Variants in FBXL13 observed in about 807,000 individuals in gnomAD.
FBXL13 encodes F-box and leucine rich repeat protein 13.
A neutral mutation model predicts 83.6 loss-of-function variants in FBXL13; 67 were observed. That is an observed-to-expected ratio of 0.80 (90% confidence interval 0.66 to 0.98). FBXL13 has a LOEUF of 0.98. Ranked by LOEUF, FBXL13 falls within the 50% of genes least tolerant of loss-of-function variation. The probability of loss-of-function intolerance (pLI) is 0.00; values close to 1 mark genes in which losing one functional copy is unlikely to be tolerated. For synonymous variants in FBXL13, 272 were observed against 299.5 expected (o/e 0.91, Z 0.95); for missense variants, 822 against 866.5 (o/e 0.95, Z 0.64).
intron 1 of FBXL13, chr7:103,074,128 G>C (rs58939176): frequency 0.1 from 56,965 of 564,072 alleles, 3,234 homozygotes; most frequent in East Asian, 0.3. Flanking sequence ...TGGTTGAGAG[G>C]GTCCTTACCT....
chr7:102,861,074 A>G (rs1406301624), intron 16 of FBXL13, among the ~76,000 whole-genome samples: 2 of 152,000 alleles, frequency 1.3e-5, no homozygotes, highest in African/African-American at 4.8e-5. Context: ...ATGATGCTTT[A>G]TCCCTAAATA....
At chr7:102,869,569 T>C (rs6957434) in intron 16 of FBXL13, among the ~76,000 whole-genome samples, 28,934 of 152,110 alleles carry the variant, frequency 0.19, 3,020 homozygotes, top group East Asian at 0.43. Context: ...TGTCCTAAAG[T>C]GTTTCGTCTA....
chr7:102,999,307 T>C (rs1790149817), intron 6 of FBXL13, among the ~76,000 whole-genome samples: 1 of 152,170 alleles, frequency 6.6e-6, no homozygotes, highest in African/African-American at 2.4e-5. Context: ...TACCATGTTG[T>C]TGTATTCTGT....
At chr7:103,036,804 G>A (rs1306374604) in intron 2 of FBXL13, among the ~76,000 whole-genome samples, 4 of 152,200 alleles carry the variant, frequency 2.6e-5, no homozygotes, top group Admixed American at 6.5e-5. Flanking sequence ...AAGCCACAGT[G>A]CCTGGCCCAA....
At chr7:102,953,530 G>C (rs141417220) in intron 8 of FBXL13, among the ~76,000 whole-genome samples, 6 of 151,882 alleles carry the variant, frequency 4.0e-5, no homozygotes, top group African/African-American at 1.4e-4. Context: ...AATTGTGTAA[G>C]AAAAGAAAAA....
intron 19 of FBXL13, among the ~76,000 whole-genome samples, chr7:102,819,024 C>G (rs1423859099): frequency 1.3e-5 from 2 of 152,138 alleles, no homozygotes; most frequent in Non-Finnish European, 2.9e-5. Context: ...CATCATTTAG[C>G]TCCCACTTAT....
chr7:103,035,898 C>A (rs542595959), intron 2 of FBXL13, among the ~76,000 whole-genome samples: 11 of 152,142 alleles, frequency 7.2e-5, no homozygotes, highest in Admixed American at 6.5e-4. Flanking sequence ...CATTTATATC[C>A]CACATAGTAT....
intron 6 of FBXL13, chr7:102,973,415 C>A: frequency 1.4e-6 from 1 of 702,186 alleles, no homozygotes; most frequent in Non-Finnish European, 2.6e-6. Context: ...CTGGGTACCA[C>A]ATAGCAGTTA....
intron 5 of FBXL13, among the ~76,000 whole-genome samples, chr7:103,026,038 A>C (rs868850004): frequency 2.0e-5 from 3 of 151,196 alleles, no homozygotes; most frequent in Non-Finnish European, 4.4e-5. Context: ...ATATAGCATA[A>C]ATTATATATA....
intron 2 of FBXL13, among the ~76,000 whole-genome samples, chr7:103,043,263 A>G (rs2129493197): frequency 6.6e-6 from 1 of 152,346 alleles, no homozygotes; most frequent in African/African-American, 2.4e-5. Flanking sequence ...AATCAAAACC[A>G]CAATGAGATA....
chr7:102,911,487 T>G (rs1376863611), intron 11 of FBXL13, among the ~76,000 whole-genome samples: 2 of 152,106 alleles, frequency 1.3e-5, no homozygotes, highest in Non-Finnish European at 2.9e-5. Context: ...TTCTCTGTGA[T>G]TGGGCCATTG....
chr7:102,879,524 T>C (rs1191072050), intron 14 of FBXL13, among the ~76,000 whole-genome samples: 2 of 151,862 alleles, frequency 1.3e-5, no homozygotes, highest in Non-Finnish European at 1.5e-5. Context: ...GAAAAGATTA[T>C]TGAGGTAATG....
intron 8 of FBXL13, chr7:102,934,490 G>A (rs1387879663): frequency 6.2e-7 from 1 of 1,614,056 alleles, no homozygotes; most frequent in Non-Finnish European, 8.5e-7. Flanking sequence ...CGCCAAGTGT[G>A]AAAGTCCACA....
At chr7:102,986,019 C>A (rs558075486) in intron 6 of FBXL13, among the ~76,000 whole-genome samples, 2 of 140,404 alleles carry the variant, frequency 1.4e-5, no homozygotes, top group Admixed American at 6.9e-5. Context: ...GGCACGATGC[C>A]CCCCCCCCAT....
intron 11 of FBXL13, among the ~76,000 whole-genome samples, chr7:102,910,774 T>C (rs1814522541): frequency 6.6e-6 from 1 of 152,196 alleles, no homozygotes; most frequent in African/African-American, 2.4e-5. Flanking sequence ...TACTTAATTA[T>C]TTGAGGCAAG....
intron 11 of FBXL13, among the ~76,000 whole-genome samples, chr7:102,886,158 T>C (rs935908158): frequency 6.6e-6 from 1 of 152,140 alleles, no homozygotes; most frequent in Non-Finnish European, 1.5e-5. Context: ...CTTAAGATAA[T>C]TTGTTATTTA....
chr7:102,859,092 G>A (rs1225786861), intron 16 of FBXL13, among the ~76,000 whole-genome samples: 1 of 152,122 alleles, frequency 6.6e-6, no homozygotes, highest in African/African-American at 2.4e-5. Context: ...GCATCCTTAA[G>A]TCCAAGATGA....
chr7:102,850,961 A>C (rs1360347820), intron 17 of FBXL13, among the ~76,000 whole-genome samples: 2 of 152,180 alleles, frequency 1.3e-5, no homozygotes, highest in Non-Finnish European at 2.9e-5. Flanking sequence ...AACAGCAAAA[A>C]TAATTTGAAA....
chr7:103,049,834 C>T (rs1003931407), intron 2 of FBXL13, among the ~76,000 whole-genome samples: 1 of 152,118 alleles, frequency 6.6e-6, no homozygotes, highest in Non-Finnish European at 1.5e-5. Context: ...CTCACAGGTG[C>T]TCTGAGAAAG....
Sources: allele counts gnomAD v4.1 joint callset (sites outside exome capture counted in the v4.1 genomes callset), GRCh38; gene constraint gnomAD v4.1.1; transcripts MANE v1.5; gene names NCBI Gene and HGNC (gene_info 2026-07-23, HGNC 2026-07-21).